The following NTM variants were observed in gnomAD, a reference collection of about 807,000 sequenced individuals.
NTM encodes the protein IgLON family member 2.
In NTM, 13 loss-of-function variants were observed where a neutral mutation model predicts 42.1. The ratio of observed to expected loss-of-function variants is 0.31; its 90% CI spans 0.20 to 0.49. The LOEUF is 0.49. Ranked by LOEUF, NTM falls within the 20% of genes least tolerant of loss-of-function variation. The pLI, the probability that NTM is intolerant of heterozygous loss-of-function variation, is 0.99. For synonymous variants in NTM, 187 were observed against 179.2 expected (o/e 1.04, Z -0.35); for missense variants, 373 against 452.8 (o/e 0.82, Z 1.60).
chr11:132,117,096 T>G (rs2136863167), intron 2 of NTM, among the ~76,000 whole-genome samples: 1 of 152,354 alleles, frequency 6.6e-6, no homozygotes, highest in Non-Finnish European at 1.5e-5. Flanking sequence ...CATTCATTTC[T>G]AATTCTGCAT....
chr11:132,021,035 G>A (rs1293009411), intron 2 of NTM, among the ~76,000 whole-genome samples: 1 of 151,772 alleles, frequency 6.6e-6, no homozygotes, highest in Non-Finnish European at 1.5e-5. Flanking sequence ...ATATATGCTG[G>A]CACTCTGAGG....
intron 1 of NTM, among the ~76,000 whole-genome samples, chr11:131,515,849 T>G (rs1189425629): frequency 1.3e-5 from 2 of 152,200 alleles, no homozygotes; most frequent in African/African-American, 4.8e-5. Context: ...TACAGTCATT[T>G]TTGTTAAATT....
chr11:131,593,884 G>A (rs770606573), intron 1 of NTM, among the ~76,000 whole-genome samples: 7 of 152,308 alleles, frequency 4.6e-5, no homozygotes, highest in Non-Finnish European at 8.8e-5. Context: ...CACTCTGAAA[G>A]CAAGGCCTGT....
At chr11:131,976,160 CTTCCTTCCTTCCTTT>C in intron 2 of NTM, among the ~76,000 whole-genome samples, 6 of 133,746 alleles carry the variant, frequency 4.5e-5, no homozygotes, top group African/African-American at 1.7e-4. Flanking sequence ...TCCTTCCTTT[CTTCCTTCCTTCCTTT>C]CTTCCTTTCT....
chr11:132,219,602 A>G (rs1158541054), intron 4 of NTM, among the ~76,000 whole-genome samples: 2 of 152,032 alleles, frequency 1.3e-5, no homozygotes, highest in African/African-American at 4.8e-5. Context: ...TCCCAAACCA[A>G]TCAAAGGAAT....
chr11:131,877,724 C>T (rs560200507), intron 1 of NTM: 3 of 152,156 alleles, frequency 2.0e-5, no homozygotes, highest in Non-Finnish European at 4.4e-5. Context: ...TTTAATAACT[C>T]GTATATGTTT....
chr11:132,151,371 T>C (rs1034798268), intron 3 of NTM, among the ~76,000 whole-genome samples: 3 of 152,178 alleles, frequency 2.0e-5, no homozygotes, highest in Non-Finnish European at 4.4e-5. Context: ...CATGGTTGTG[T>C]GCAGAGTGTT....
At chr11:131,484,867 T>C (rs1011160562) in intron 1 of NTM, among the ~76,000 whole-genome samples, 2 of 152,120 alleles carry the variant, frequency 1.3e-5, no homozygotes, top group Non-Finnish European at 2.9e-5. Flanking sequence ...AAGTGGAAAT[T>C]ATGATAGTCA....
intron 1 of NTM, among the ~76,000 whole-genome samples, chr11:131,572,857 C>T (rs139489500): frequency 3.0e-4 from 46 of 152,280 alleles, no homozygotes; most frequent in Middle Eastern, 3.4e-3. Context: ...AGAATGTTCC[C>T]GGGTGCAGGT....
Position 132,136,098 on chromosome 11 carries a change from G to A in NTM, c.168-10184G>A, listed in dbSNP as rs78371481. Among the ~76,000 whole-genome samples the A allele has an allele frequency of 3.6e-3, 544 of 152,344 alleles. 6 individuals carry two copies. Among genetic ancestry groups the A allele is most frequent in the African/African-American group, 0.012 (508 of 41,570 alleles). On this transcript the variant is annotated intron_variant, in intron 2 of 8. Transcript: ENST00000683400. Reference sequence around the variant, plus strand: ...CAGCCTCCTCACAGTCCACTAGAGAGAGGAGAGGCTTCTGTGGGCTCTACA... The same window carrying A: ...CAGCCTCCTCACAGTCCACTAGAGAAAGGAGAGGCTTCTGTGGGCTCTACA...
intron 1 of NTM, among the ~76,000 whole-genome samples, chr11:131,612,012 T>C (rs1018412351): frequency 6.6e-6 from 1 of 151,594 alleles, no homozygotes; most frequent in South Asian, 2.1e-4. Context: ...ATGGCAGAGG[T>C]GATGGCATGT....
intron 1 of NTM, among the ~76,000 whole-genome samples, chr11:131,583,464 T>C (rs903228791): frequency 6.6e-6 from 1 of 152,320 alleles, no homozygotes; most frequent in African/African-American, 2.4e-5. Flanking sequence ...ATAAACAAAC[T>C]GCTGTAATTG....
intron 4 of NTM, among the ~76,000 whole-genome samples, chr11:132,223,080 A>G (rs1162980686): frequency 4.6e-5 from 7 of 152,228 alleles, no homozygotes; most frequent in African/African-American, 1.4e-4. Flanking sequence ...AGCAGAGAAA[A>G]TGGTATGGAT....
At chr11:131,731,677 G>A (rs2079705986) in intron 1 of NTM, among the ~76,000 whole-genome samples, 1 of 152,110 alleles carries the variant, frequency 6.6e-6, no homozygotes, top group Admixed American at 6.6e-5. Flanking sequence ...GAGCAAAACT[G>A]GCCTGAACAT....
intron 1 of NTM, among the ~76,000 whole-genome samples, chr11:131,798,597 G>T (rs749520581): frequency 6.6e-6 from 1 of 152,154 alleles, no homozygotes; most frequent in Non-Finnish European, 1.5e-5. Context: ...AAAAGGAGAC[G>T]CAATAAACTT....
At chr11:131,816,662 A>G (rs1356495607) in intron 1 of NTM, among the ~76,000 whole-genome samples, 3 of 152,120 alleles carry the variant, frequency 2.0e-5, no homozygotes, top group South Asian at 2.1e-4. Context: ...ACCCTGCTGG[A>G]TTAGAATTAG....
chr11:131,717,662 A>G (rs2077858502), intron 1 of NTM, among the ~76,000 whole-genome samples: 1 of 152,192 alleles, frequency 6.6e-6, no homozygotes, highest in Non-Finnish European at 1.5e-5. Flanking sequence ...TAATCTGCAA[A>G]TGACAGTTTT....
intron 2 of NTM, among the ~76,000 whole-genome samples, chr11:131,955,126 C>T (rs915959070): frequency 6.6e-6 from 1 of 152,110 alleles, no homozygotes; most frequent in Non-Finnish European, 1.5e-5. Flanking sequence ...CACCTGCTGT[C>T]AAATTGCCCT....
chr11:132,237,525 C>T lies in NTM; in HGVS notation c.526+25378C>T, dbSNP rs141515093. 5.7e-3 allele frequency among the ~76,000 whole-genome samples: 864 copies of T among 152,262 alleles called. 6 individuals carry two copies. Among genetic ancestry groups the T allele is most frequent in the African/African-American group, 0.018 (734 of 41,560 alleles). ...GGCGGAAAGTGAAAGAAGCCGGTCC[C>T]GTGAAGAGGTCTACGTTTTCAGCCC... On this transcript the variant is annotated intron_variant, in intron 4 of 8. Coordinates refer to ENST00000683400, the MANE Select transcript of NTM (RefSeq NM_001352005.2).
Sources: gnomAD v4.1 joint callset for allele counts (sites outside exome capture counted in the v4.1 genomes callset) on GRCh38, gnomAD v4.1.1 for gene constraint, MANE v1.5 for transcripts, NCBI Gene and HGNC (gene_info 2026-07-23, HGNC 2026-07-21) for gene names.